WDR64: variants seen among roughly 807,000 people sequenced by gnomAD.
WDR64 encodes WD repeat-containing protein 64.
Under a neutral mutation model 139.3 loss-of-function variants are expected in WDR64, and 112 were observed. The ratio of observed to expected loss-of-function variants is 0.80; its 90% CI spans 0.69 to 0.94. WDR64 has a LOEUF of 0.94. Among genes scored for constraint, WDR64 ranks in the 40% least tolerant of loss-of-function variants. The probability of loss-of-function intolerance (pLI) is 0.00; values close to 1 mark genes in which losing one functional copy is unlikely to be tolerated. For missense variants in WDR64, 1,206 were observed against 1,293.1 expected (o/e 0.93, Z 1.03); for synonymous variants, 444 against 437.7 (o/e 1.01, Z -0.18).
chr1:241,719,198 T>C (rs72768089), intron 9 of WDR64, among the ~76,000 whole-genome samples: 22,876 of 152,202 alleles, frequency 0.15, 2,163 homozygotes, highest in Middle Eastern at 0.33. Flanking sequence ...TACATGTTTT[T>C]CCCCTCTTTG....
In WDR64 at chr1:241,708,692, G is replaced by GTTTTTTTTTTTTT. The variant is rs766069628; in HGVS notation, c.975-3099_975-3098insTTTTTTTTTTTTT. On this transcript the variant is annotated intron_variant, in intron 8 of 27. Coordinates refer to ENST00000437684, the MANE Select transcript of WDR64 (RefSeq NM_001367482.1). ...TATCAAGTTAGGGCTGAGGTCCATG[G>GTTTTTTTTTTTTT]TTTTTTTTTTTGTTTTTTTGTTTTT... 1.5e-4 allele frequency among the ~76,000 whole-genome samples: 9 copies of GTTTTTTTTTTTTT among 59,902 alleles called. 1 individual carries two copies. The highest frequency in any genetic ancestry group is 9.4e-3 in the Middle Eastern group (1 of 106). 39.3% of individuals were successfully genotyped at this position (59,902 alleles called of 152,430 possible).
intron 13 of WDR64, 61 bp from the exon 14 acceptor site, chr1:241,749,486 G>A: frequency 6.4e-7 from 1 of 1,559,540 alleles, no homozygotes; most frequent in East Asian, 2.3e-5. Flanking sequence ...TTCTCTGAGC[G>A]AAAAGCCAAG....
At chr1:241,685,378 A>T (rs1198731461) in intron 7 of WDR64, among the ~76,000 whole-genome samples, 1 of 151,740 alleles carries the variant, frequency 6.6e-6, no homozygotes, top group African/African-American at 2.4e-5. Context: ...TTTGGGGGAT[A>T]AAAAAATTTT....
intron 4 of WDR64, chr1:241,676,471 C>T (rs1354676199): frequency 1.3e-5 from 2 of 151,956 alleles, no homozygotes; most frequent in African/African-American, 4.8e-5. Flanking sequence ...TGCATTATTC[C>T]CCTTCTCTTT....
At chr1:241,738,195 T>C (rs1669397218) in intron 10 of WDR64, among the ~76,000 whole-genome samples, 168 bp from the exon 11 acceptor site, 1 of 152,188 alleles carries the variant, frequency 6.6e-6, no homozygotes, top group East Asian at 1.9e-4. Flanking sequence ...TGAACAATAA[T>C]CCAACCCAGA....
chr1:241,785,424 GACACTAATTCCATTC>G (rs1659001729), intron 23 of WDR64, among the ~76,000 whole-genome samples: 2 of 152,084 alleles, frequency 1.3e-5, no homozygotes. Context: ...CTTTTTAAAA[GACACTAATTCCATTC>G]ATGAAGACTG....
At chr1:241,717,934 C>T (rs1185820851) in intron 9 of WDR64, among the ~76,000 whole-genome samples, 2 of 152,108 alleles carry the variant, frequency 1.3e-5, no homozygotes, top group Non-Finnish European at 2.9e-5. Context: ...TACACATTTA[C>T]AACTCCACTC....
At chr1:241,739,535 C>G (rs2148239666) in intron 11 of WDR64, among the ~76,000 whole-genome samples, 1 of 152,244 alleles carries the variant, frequency 6.6e-6, no homozygotes, top group Non-Finnish European at 1.5e-5. Flanking sequence ...GTTGTAAACA[C>G]CTATTCTCTG....
intron 2 of WDR64, among the ~76,000 whole-genome samples, chr1:241,664,663 GAAC>G (rs1173889916): frequency 3.9e-5 from 6 of 151,998 alleles, no homozygotes; most frequent in Admixed American, 3.9e-4. Context: ...TTTCTAGCTA[GAAC>G]ATCATAATCT....
chr1:241,743,726 C>T (rs1043622139), intron 12 of WDR64, among the ~76,000 whole-genome samples: 2 of 152,156 alleles, frequency 1.3e-5, no homozygotes, highest in African/African-American at 4.8e-5. Context: ...AGGTCTAAGG[C>T]CTCTACTGTG....
At chr1:241,749,465 T>C (rs1669896109) in intron 13 of WDR64, 82 bp from the exon 14 acceptor site, 3 of 1,480,832 alleles carry the variant, frequency 2.0e-6, no homozygotes, top group Admixed American at 2.0e-5. Flanking sequence ...AAGCTTTCGA[T>C]CGGATGAATT....
At chr1:241,711,366 A>G (rs1668160850) in intron 8 of WDR64, among the ~76,000 whole-genome samples, 1 of 152,142 alleles carries the variant, frequency 6.6e-6, no homozygotes, top group African/African-American at 2.4e-5. Flanking sequence ...TTTCAGGTAT[A>G]TTTCAGAGGA....
chr1:241,691,611 G>GGACA (rs57310510), intron 8 of WDR64, among the ~76,000 whole-genome samples: 78,259 of 151,620 alleles, frequency 0.52, 20,392 homozygotes, highest in African/African-American at 0.57. Flanking sequence ...CTATAGTACT[G>GGACA]GACAGTTTTC....
At chr1:241,796,534 C>T (rs1052816717) in intron 27 of WDR64, among the ~76,000 whole-genome samples, 164 bp downstream of exon 27, 2 of 151,546 alleles carry the variant, frequency 1.3e-5, no homozygotes, top group African/African-American at 4.9e-5. Flanking sequence ...CTCTTGTTGC[C>T]CAGGCTGGAG....
chr1:241,652,719 T>G (rs1573977096), intron 1 of WDR64, 90 bp downstream of exon 1: 2 of 1,453,002 alleles, frequency 1.4e-6, no homozygotes, highest in Non-Finnish European at 1.8e-6. Flanking sequence ...CATCAGAGCT[T>G]AATGTGAAAG....
At chr1:241,775,009 G>C in intron 20 of WDR64, 96 bp from the exon 21 acceptor site, 2 of 917,216 alleles carry the variant, frequency 2.2e-6, no homozygotes, top group Non-Finnish European at 3.3e-6. Context: ...TAATTCTTGA[G>C]ATGCATTATT....
At chr1:241,799,918 C>G (rs1176653998) in intron 27 of WDR64, among the ~76,000 whole-genome samples, 1 of 151,892 alleles carries the variant, frequency 6.6e-6, no homozygotes, top group Non-Finnish European at 1.5e-5. Context: ...AATTATTTTT[C>G]ATATAGCTTA....
At chr1:241,686,148 AG>A (rs1666995063) in intron 7 of WDR64, among the ~76,000 whole-genome samples, 2 of 152,208 alleles carry the variant, frequency 1.3e-5, no homozygotes. Flanking sequence ...ATATAGGCTG[AG>A]TGTTGCGGCA....
chr1:241,799,222 A>AAAAAAAAAAAAAAC (rs1558529733), intron 27 of WDR64, among the ~76,000 whole-genome samples: 2 of 135,076 alleles, frequency 1.5e-5, no homozygotes, highest in African/African-American at 5.3e-5. Flanking sequence ...AAAAAAAAAA[A>AAAAAAAAAAAAAAC]ATACAAAAAT....
Sources: allele counts gnomAD v4.1 joint callset (sites outside exome capture counted in the v4.1 genomes callset), GRCh38; gene constraint gnomAD v4.1.1; transcripts MANE v1.5; gene names NCBI Gene and HGNC (gene_info 2026-07-23, HGNC 2026-07-21).